PAMR1: variants seen among roughly 807,000 people sequenced by gnomAD.
PAMR1 encodes the protein peptidase domain containing associated with muscle regeneration 1, also known as inactive serine protease PAMR1.
Under a neutral mutation model 81.8 loss-of-function variants are expected in PAMR1, and 88 were observed. The observed-to-expected ratio is 1.08, with a 90% CI of 0.91 to 1.28. PAMR1 has a LOEUF of 1.28. Ranked by LOEUF, PAMR1 falls within the 50% of genes most tolerant of loss-of-function variation. The probability of loss-of-function intolerance (pLI) is 0.00; values close to 1 mark genes in which losing one functional copy is unlikely to be tolerated. For synonymous variants in PAMR1, 336 were observed against 345.3 expected, an observed-to-expected ratio of 0.97 and a Z score of 0.30; for missense variants, 935 against 919.7, an observed-to-expected ratio of 1.02 and a Z score of -0.21.
At chr11:35,521,431 A>G (rs1851275877) in intron 1 of PAMR1, among the ~76,000 whole-genome samples, 1 of 152,156 alleles carries the variant, frequency 6.6e-6, no homozygotes, top group African/African-American at 2.4e-5. Flanking sequence ...GCTAGTAAGG[A>G]TTAGCAGGTA....
In PAMR1 at chr11:35,434,533, C is replaced by CTCATCCCGGTCA. The variant is rs1238579103; in HGVS notation, c.1593_1604dup (p.Asp531_Asp534dup). Reference sequence around the variant, plus strand: ...TTACCTGTAGGCTCTGGATGGTCTTCTCATCCCGGTCATCATCCCGGTAGA... The same window carrying CTCATCCCGGTCA: ...TTACCTGTAGGCTCTGGATGGTCTTCTCATCCCGGTCATCATCCCGGTCATCATCCCGGTAGA... On this transcript the variant is annotated inframe_insertion, in exon 10 of 11. Coordinates refer to ENST00000619888, the MANE Select transcript of PAMR1 (RefSeq NM_001001991.3). The CTCATCCCGGTCA allele has an allele frequency of 6.2e-7, 1 of 1,613,870 alleles. No homozygotes were observed. The highest frequency in any genetic ancestry group is 8.5e-7 in the Non-Finnish European group (1 of 1,179,970).
Position 35,469,184 on chromosome 11 carries a change from T to TTGCA in PAMR1, c.713-1080_713-1077dup, listed in dbSNP as rs1293787361. On this transcript the variant is annotated intron_variant, in intron 5 of 10. Coordinates refer to ENST00000619888, the MANE Select transcript of PAMR1 (RefSeq NM_001001991.3). ...TGAAGGATGGATTTTGATGTGCAGG[T>TTGCA]TGCAGACAGGTGACTTTAGCCAGAG... Among the ~76,000 whole-genome samples the TTGCA allele has an allele frequency of 4.6e-5, 7 of 152,324 alleles. No individual in the cohort carries two copies. In the East Asian group the frequency reaches 1.3e-3, roughly 29 times the overall value.
chr11:35,524,340 A>T (rs1266464755), intron 1 of PAMR1, among the ~76,000 whole-genome samples: 2 of 152,206 alleles, frequency 1.3e-5, no homozygotes, highest in East Asian at 3.8e-4. Flanking sequence ...AGGTAGATGG[A>T]AAGTATTGAC....
At chr11:35,487,095 C>A (rs1022885240) in intron 3 of PAMR1, among the ~76,000 whole-genome samples, 1 of 152,028 alleles carries the variant, frequency 6.6e-6, no homozygotes, top group Non-Finnish European at 1.5e-5. Flanking sequence ...TCTGCCTAAG[C>A]CCTGCAGCCT....
intron 2 of PAMR1, among the ~76,000 whole-genome samples, chr11:35,493,094 G>C (rs781256158): frequency 6.6e-6 from 1 of 151,966 alleles, no homozygotes; most frequent in Non-Finnish European, 1.5e-5. Context: ...TATCCCACCC[G>C]ATAGATCCCA....
At chr11:35,497,757 A>T (rs755619841) in intron 1 of PAMR1, among the ~76,000 whole-genome samples, 17 of 152,242 alleles carry the variant, frequency 1.1e-4, no homozygotes, top group Non-Finnish European at 1.2e-4. Context: ...ATAACATGTC[A>T]CTGTACTGAT....
At chr11:35,470,044 G>C (rs1435613781) in intron 5 of PAMR1, among the ~76,000 whole-genome samples, 1 of 152,158 alleles carries the variant, frequency 6.6e-6, no homozygotes, top group Non-Finnish European at 1.5e-5. Context: ...CAAGTGGAGG[G>C]TAAATGTATG....
chr11:35,521,973 A>C lies in PAMR1; in HGVS notation c.73+3540T>G, dbSNP rs1323707151. ...AGTCTCACTCTGTCGCCCAAGCTGG[A>C]GTGCAGTGGCGCGATCTTGGCTCCC... On this transcript the variant is annotated intron_variant, in intron 1 of 10. Transcript: ENST00000619888. Among the ~76,000 whole-genome samples, 10 of 151,634 alleles carry C rather than the reference A, an allele frequency of 6.6e-5. No individual in the cohort carries two copies. In the East Asian group the frequency reaches 1.9e-3, roughly 29 times the overall value.
At chr11:35,506,700 T>C (rs910981184) in intron 1 of PAMR1, among the ~76,000 whole-genome samples, 24 of 152,112 alleles carry the variant, frequency 1.6e-4, no homozygotes, top group African/African-American at 5.5e-4. Flanking sequence ...TTTTGTATGT[T>C]ATTTGCTTCT....
chr11:35,441,302 CAA>C (rs113713187), intron 7 of PAMR1, among the ~76,000 whole-genome samples, 177 bp downstream of exon 7: 1 of 140,852 alleles, frequency 7.1e-6, no homozygotes, highest in Non-Finnish European at 1.6e-5. Context: ...CTCTTGAGGT[CAA>C]AAAAAAAAAG....
intron 3 of PAMR1, among the ~76,000 whole-genome samples, chr11:35,481,285 T>C (rs1160082020): frequency 6.6e-6 from 1 of 152,220 alleles, no homozygotes; most frequent in Non-Finnish European, 1.5e-5. Context: ...CACCACACTG[T>C]CTTTCACAAT....
intron 3 of PAMR1, among the ~76,000 whole-genome samples, chr11:35,490,191 A>C (rs1340875761): frequency 6.6e-6 from 1 of 152,222 alleles, no homozygotes; most frequent in Non-Finnish European, 1.5e-5. Flanking sequence ...TATGGAGGAA[A>C]CTACCCCTAT....
At chr11:35,455,218 G>A (rs1052336918) in intron 6 of PAMR1, among the ~76,000 whole-genome samples, 1 of 152,206 alleles carries the variant, frequency 6.6e-6, no homozygotes, top group Non-Finnish European at 1.5e-5. Flanking sequence ...TGATATCAGG[G>A]AGTAACTATA....
chr11:35,480,132 A>G (rs1850360263), intron 3 of PAMR1, among the ~76,000 whole-genome samples: 1 of 152,210 alleles, frequency 6.6e-6, no homozygotes, highest in Admixed American at 6.5e-5. Context: ...CCGCCAAGTC[A>G]GTGCTCAATT....
At chr11:35,490,673 C>T (rs963455025) in intron 3 of PAMR1, among the ~76,000 whole-genome samples, 3 of 152,096 alleles carry the variant, frequency 2.0e-5, no homozygotes, top group Non-Finnish European at 4.4e-5. Flanking sequence ...TTCTGAATCA[C>T]CTAACAATTC....
chr11:35,527,868 C>T (rs557118227), upstream of PAMR1, among the ~76,000 whole-genome samples: 4 of 152,266 alleles, frequency 2.6e-5, no homozygotes, highest in Non-Finnish European at 4.4e-5. Context: ...CACCTTACTC[C>T]TAAACCACCA....
intron 6 of PAMR1, among the ~76,000 whole-genome samples, chr11:35,459,828 A>C (rs1856613329): frequency 6.6e-6 from 1 of 152,204 alleles, no homozygotes; most frequent in African/African-American, 2.4e-5. Flanking sequence ...GCTTTGTCAA[A>C]AGGAGGGGAA....
intron 1 of PAMR1, among the ~76,000 whole-genome samples, chr11:35,514,847 A>C (rs1010685069): frequency 6.6e-6 from 1 of 152,014 alleles, no homozygotes; most frequent in Non-Finnish European, 1.5e-5. Context: ...TCTACAAAAA[A>C]TTTAAAAATT....
rs1322375100 is a variant in PAMR1, at chr11:35,435,928, A to T, written c.1308T>A (p.Ser436Arg). 2 of 1,613,666 alleles carry T rather than the reference A, an allele frequency of 1.2e-6. No individual in the cohort carries two copies. Among genetic ancestry groups the T allele is most frequent in the Non-Finnish European group, 1.7e-6 (2 of 1,179,912 alleles). Residue 436 changes from serine to arginine, a missense_variant, in exon 9 of 11, where the codon AGT becomes AGA. Ser to Arg is a moderately radical substitution (Grantham distance 110). Transcript: ENST00000619888. Reference protein sequence around the residue: ...RRTCLRTGKWSGRAPSCIPIC... With the variant: ...RRTCLRTGKWRGRAPSCIPIC... ...TAGGGATGCAGGATGGTGCCCGCCC[A>T]CTCCACTTCCCAGTCCTCAGACATG...
Sources: gnomAD v4.1 joint callset for allele counts (sites outside exome capture counted in the v4.1 genomes callset) on GRCh38, gnomAD v4.1.1 for gene constraint, MANE v1.5 for transcripts, NCBI Gene and HGNC (gene_info 2026-07-23, HGNC 2026-07-21) for gene names.